Variants in F13A1 observed in about 807,000 individuals in gnomAD.
F13A1 encodes coagulation factor XIII A chain.
In F13A1, 47 loss-of-function variants were observed where a neutral mutation model predicts 80.1. That is an observed-to-expected ratio of 0.59 (90% CI 0.46 to 0.75). The LOEUF (loss-of-function observed/expected upper bound fraction) is 0.75, where lower values mean the gene tolerates loss of function less well. Ranked by LOEUF, F13A1 falls within the 30% of genes least tolerant of loss-of-function variation. The pLI is 0.00. For synonymous variants in F13A1, 349 were observed against 344.9 expected (o/e 1.01, Z -0.13); for missense variants, 817 against 930.4 (o/e 0.88, Z 1.59).
intron 8 of F13A1, among the ~76,000 whole-genome samples, chr6:6,209,848 G>T (rs953507920): frequency 6.6e-6 from 1 of 152,128 alleles, no homozygotes; most frequent in African/African-American, 2.4e-5. Flanking sequence ...TGGAGAAATG[G>T]GGAGTGACTG....
intron 3 of F13A1, among the ~76,000 whole-genome samples, chr6:6,282,742 T>C (rs1019581970): frequency 6.6e-6 from 1 of 152,174 alleles, no homozygotes; most frequent in African/African-American, 2.4e-5. Context: ...TCACACCTCA[T>C]TCCAGGGGTG....
Position 6,162,576 on chromosome 6 carries a change from ACCT to A in F13A1, c.1908+4879_1908+4881del, listed in dbSNP as rs1760594556. ...CAGCACAGGCTTCCAAGTCAGGAAG[ACCT>A]GGGCCAGAAGTGTCTCTCCTTCCCT... On this transcript the variant is annotated intron_variant, in intron 13 of 14. Coordinates refer to ENST00000264870, the MANE Select transcript of F13A1 (RefSeq NM_000129.4). The surrounding 1 kb of genome is among the most constrained non-coding windows in gnomAD (Gnocchi z 4.2). 1.3e-5 allele frequency among the ~76,000 whole-genome samples: 2 copies of A among 152,174 alleles called. No homozygotes were observed. Among genetic ancestry groups the A allele is most frequent in the Admixed American group, 6.5e-5 (1 of 15,286 alleles).
At chr6:6,266,865 TCTCA>T in intron 3 of F13A1, 56 bp from the exon 4 acceptor site, 1 of 1,611,816 alleles carries the variant, frequency 6.2e-7, no homozygotes, top group Non-Finnish European at 8.5e-7. Flanking sequence ...CCATTTTTGT[TCTCA>T]CTCTGTTATC....
chr6:6,305,421 G>C lies in F13A1; in HGVS notation c.249C>G (p.Phe83Leu). Reference sequence around the variant, plus strand: ...GACGACTGAAGTCAATCTGCACATAGAAAGACTGCCCTCTGCGGACAATCA... The same window carrying C: ...GACGACTGAAGTCAATCTGCACATACAAAGACTGCCCTCTGCGGACAATCA... ...NKLIVRRGQS[F>L]YVQIDFSRPY... Residue 83 changes from phenylalanine to leucine, a missense_variant, in exon 3 of 15, where the codon TTC becomes TTG. Coordinates refer to ENST00000264870, the MANE Select transcript of F13A1 (RefSeq NM_000129.4). The C allele has an allele frequency of 6.2e-7, 1 of 1,614,220 alleles. No homozygotes were observed. The highest frequency in any genetic ancestry group is 8.5e-7 in the Non-Finnish European group (1 of 1,180,040).
intron 3 of F13A1, among the ~76,000 whole-genome samples, chr6:6,290,306 GT>G (rs1758205604): frequency 6.6e-6 from 1 of 152,136 alleles, no homozygotes; most frequent in South Asian, 2.1e-4. Context: ...TGGATATAAA[GT>G]TATCACAACA....
At chr6:6,173,373 A>T (rs1302495620) in intron 12 of F13A1, among the ~76,000 whole-genome samples, 1 of 150,786 alleles carries the variant, frequency 6.6e-6, no homozygotes, top group Non-Finnish European at 1.5e-5. Flanking sequence ...GGCCCCTCCT[A>T]GATGACACAG....
intron 6 of F13A1, among the ~76,000 whole-genome samples, chr6:6,234,712 C>T (rs375908160): frequency 6.6e-6 from 1 of 151,922 alleles, no homozygotes; most frequent in African/African-American, 2.4e-5. Flanking sequence ...TTACTTTATT[C>T]TTTTAATGGT....
intron 8 of F13A1, among the ~76,000 whole-genome samples, chr6:6,218,857 A>G (rs1757143760): frequency 6.6e-6 from 1 of 152,132 alleles, no homozygotes. Flanking sequence ...GGCGAGCAGA[A>G]TACACCTCTC....
Position 6,305,463 on chromosome 6 carries a change from C to A in F13A1, c.207G>T (p.Lys69Asn). ...GGACAATCAGCTTGTTGTTTTCATA[C>A]TTGTCAGTGTGGTGGTCCACCTTGT... ...DTNKVDHHTD[K>N]YENNKLIVRR... Residue 69 changes from lysine (K) to asparagine (N), a missense_variant, in exon 3 of 15, where the codon AAG becomes AAT. Coordinates refer to ENST00000264870, the MANE Select transcript of F13A1 (RefSeq NM_000129.4). The A allele has an allele frequency of 6.2e-7, 1 of 1,614,236 alleles. No individual in the cohort carries two copies.
At chr6:6,296,197 TC>T (rs1453540676) in intron 3 of F13A1, among the ~76,000 whole-genome samples, 1 of 151,910 alleles carries the variant, frequency 6.6e-6, no homozygotes, top group Non-Finnish European at 1.5e-5. Context: ...CCAGCTTTGT[TC>T]TTTTGGCTTA....
intron 4 of F13A1, among the ~76,000 whole-genome samples, chr6:6,251,161 G>A (rs113507853): frequency 1.1e-4 from 17 of 152,246 alleles, no homozygotes; most frequent in South Asian, 4.1e-4. Flanking sequence ...AAATGCTGAC[G>A]AACTCTGGCT....
chr6:6,230,469 G>A (rs970065458), intron 6 of F13A1, among the ~76,000 whole-genome samples: 7 of 152,046 alleles, frequency 4.6e-5, no homozygotes, highest in African/African-American at 1.7e-4. Flanking sequence ...CCTCAGACAC[G>A]CCTAGCCCAG....
Position 6,158,308 on chromosome 6 carries a change from G to A in F13A1, c.1909-6359C>T, listed in dbSNP as rs551863642. Among the ~76,000 whole-genome samples the A allele has an allele frequency of 2.5e-4, 38 of 152,262 alleles. No homozygotes were observed. The South Asian group carries it at 6.6e-3, about 27-fold the overall frequency. On this transcript the variant is annotated intron_variant, in intron 13 of 14. Transcript: ENST00000264870. ...AAGCTGGATGCAGGGGCTGAAGACCGGGGCTGCCACTTTGAGTTTTTAGAC... is the reference window on the plus strand; with the variant it reads ...AAGCTGGATGCAGGGGCTGAAGACCAGGGCTGCCACTTTGAGTTTTTAGAC...
chr6:6,316,082 T>TAC (rs1758678025), intron 2 of F13A1, among the ~76,000 whole-genome samples: 1 of 3,616 alleles, frequency 2.8e-4, no homozygotes, highest in Non-Finnish European at 5.1e-4. Context: ...TGTGTGCATA[T>TAC]ATATATATAT....
At chr6:6,319,087 A>G (rs996092585) in intron 1 of F13A1, among the ~76,000 whole-genome samples, 1 of 152,248 alleles carries the variant, frequency 6.6e-6, no homozygotes, top group Admixed American at 6.5e-5. Context: ...TGAGATTATA[A>G]GTCACTTTTA....
chr6:6,319,990 A>T (rs1055958918), intron 1 of F13A1, among the ~76,000 whole-genome samples: 9 of 152,334 alleles, frequency 5.9e-5, no homozygotes, highest in Non-Finnish European at 7.3e-5. Context: ...CCAGGGGTGC[A>T]GAACAGTGTG....
intron 13 of F13A1, among the ~76,000 whole-genome samples, chr6:6,159,901 A>G (rs1400858411): frequency 6.6e-6 from 1 of 151,936 alleles, no homozygotes; most frequent in Non-Finnish European, 1.5e-5. Context: ...GAGCAACTGC[A>G]CTCCTGGAGC....
At chr6:6,182,761 A>G (rs1761012446) in intron 10 of F13A1, among the ~76,000 whole-genome samples, 1 of 152,150 alleles carries the variant, frequency 6.6e-6, no homozygotes. Flanking sequence ...TGGGGGCCTT[A>G]ATGATGCTGT....
chr6:6,276,412 A>T (rs1405292049), intron 3 of F13A1, among the ~76,000 whole-genome samples: 2 of 152,068 alleles, frequency 1.3e-5, no homozygotes, highest in South Asian at 2.1e-4. Context: ...GCAGTTTTCT[A>T]CTGTTCCTAA....
Sources: gnomAD v4.1 joint callset for allele counts (sites outside exome capture counted in the v4.1 genomes callset) on GRCh38, gnomAD v4.1.1 for gene constraint, Gnocchi (gnomAD v3.1) non-coding constraint, MANE v1.5 for transcripts, NCBI Gene and HGNC (gene_info 2026-07-23, HGNC 2026-07-21) for gene names.